The following ASAP3 variants were observed in gnomAD, a reference collection of about 807,000 sequenced individuals.
ASAP3 encodes arf-GAP with SH3 domain, ANK repeat and PH domain-containing protein 3.
A neutral mutation model predicts 118.2 loss-of-function variants in ASAP3; 85 were observed. The observed-to-expected ratio is 0.72, with a 90% CI of 0.60 to 0.86. The LOEUF (loss-of-function observed/expected upper bound fraction) is 0.86, where lower values mean the gene tolerates loss of function less well. ASAP3 is among the 40% of genes least tolerant of loss of function. The pLI, the probability that ASAP3 is intolerant of heterozygous loss-of-function variation, is 0.00. For synonymous variants in ASAP3, 432 were observed against 477.4 expected, an observed-to-expected ratio of 0.90 and a Z score of 1.24; for missense variants, 1,026 against 1,175.0, an observed-to-expected ratio of 0.87 and a Z score of 1.85.
intron 10 of ASAP3, among the ~76,000 whole-genome samples, chr1:23,439,606 T>C (rs1308052224): frequency 2.0e-5 from 3 of 152,152 alleles, no homozygotes; most frequent in Non-Finnish European, 2.9e-5. Context: ...AACAAATAAA[T>C]TGTGGTTCAA....
intron 1 of ASAP3, among the ~76,000 whole-genome samples, chr1:23,483,582 T>G (rs189413158): frequency 3.5e-4 from 53 of 150,770 alleles, no homozygotes; most frequent in Non-Finnish European, 6.2e-4. Context: ...GGAGGGGGCC[T>G]CTCTGCAGCC....
Position 23,439,213 on chromosome 1 carries a change from T to A in ASAP3, c.962A>T (p.Gln321Leu). Residue 321 changes from glutamine (Q) to leucine (L), a missense_variant, in exon 11 of 25, where the codon CAG becomes CTG. By Grantham distance (113) the Gln-to-Leu change is moderately radical. Coordinates refer to ENST00000336689, the MANE Select transcript of ASAP3 (RefSeq NM_017707.4). ...KKSDGIRRVWQKRKCGVKYGC... is the reference protein window; with the variant it reads ...KKSDGIRRVWLKRKCGVKYGC... ...ATACTTGACTCCACACTTCCTTTTC[T>A]GCCAGACTCTTCGAATTCTAAAGCC... 1.9e-6 allele frequency: 3 copies of A among 1,614,100 alleles called. No homozygotes were observed. Among genetic ancestry groups the A allele is most frequent in the Non-Finnish European group, 2.5e-6 (3 of 1,180,002 alleles).
chr1:23,444,910 TC>T (rs1192321189), intron 5 of ASAP3, among the ~76,000 whole-genome samples: 1 of 149,022 alleles, frequency 6.7e-6, no homozygotes, highest in Non-Finnish European at 1.5e-5. Flanking sequence ...GCCAGTAGCA[TC>T]CCCCCAGCTG....
At chr1:23,473,787 G>A (rs1231475777) in intron 1 of ASAP3, among the ~76,000 whole-genome samples, 1 of 151,958 alleles carries the variant, frequency 6.6e-6, no homozygotes, top group Non-Finnish European at 1.5e-5. Flanking sequence ...CCTGTGCAGA[G>A]GCTGTTGGTA....
In ASAP3 at chr1:23,441,121, G is replaced by A. The variant is rs758967937; in HGVS notation, c.925C>T (p.Leu309=). ...KQFGTEKVGF[L]YKKSDGIRRV... is the part of the protein sequence containing the mutation. ...ACTTACCCGTCACTTTTCTTGTATA[G>A]AAAGCCCACTTTCTCCGTCCCAAAC... Residue 309 remains leucine, a synonymous_variant, in exon 10 of 25, where the codon CTA becomes TTA. Coordinates refer to ENST00000336689, the MANE Select transcript of ASAP3 (RefSeq NM_017707.4). 1 of 1,614,146 alleles carries A rather than the reference G, an allele frequency of 6.2e-7. No homozygotes were observed. Among genetic ancestry groups the A allele is most frequent in the Non-Finnish European group, 8.5e-7 (1 of 1,180,020 alleles).
At position 23,434,381 on chromosome 1, in the gene ASAP3, A is replaced by T. The variant is rs1201764983; in HGVS notation, c.1836-12T>A. The T allele has an allele frequency of 1.2e-6, 2 of 1,613,614 alleles. No individual in the cohort carries two copies. The highest frequency in any genetic ancestry group is 2.2e-5 in the South Asian group (2 of 91,060). ...CATCCAGGTGACCACTGGGGAGAGG[A>T]GGGTTCAGGGAGAAAGGAAGGGGAA... On this transcript the variant is annotated splice_polypyrimidine_tract_variant and intron_variant, in intron 18 of 24. Coordinates refer to ENST00000336689, the MANE Select transcript of ASAP3 (RefSeq NM_017707.4).
At chr1:23,477,703 GTTCT>G (rs1417025169) in intron 1 of ASAP3, among the ~76,000 whole-genome samples, 1 of 152,116 alleles carries the variant, frequency 6.6e-6, no homozygotes, top group Non-Finnish European at 1.5e-5. Flanking sequence ...TGACTTATTT[GTTCT>G]TTCTGTTTGT....
intron 17 of ASAP3, among the ~76,000 whole-genome samples, chr1:23,434,830 G>A (rs1640579637): frequency 6.6e-6 from 1 of 152,008 alleles, no homozygotes; most frequent in African/African-American, 2.4e-5. Context: ...TTCCTCCTCT[G>A]CCCCCAACAA....
At position 23,433,118 on chromosome 1, in the gene ASAP3, G is replaced by A. The variant is rs200686258; in HGVS notation, c.2282C>T (p.Ser761Phe). ...TGCACACCCTTGGACCAAAGTCCGA[G>A]AAGAGTTTTTGACTGGCAAGGGCGG... ...CPPPLPVKNS[S>F]RTLVQGCARH... The change falls in exon 22 of 25, where the codon TCT becomes TTT. Residue 761 changes from serine (S) to phenylalanine (F), a missense_variant. Physicochemically the swap from Ser to Phe is radical, Grantham distance 155. Coordinates refer to ENST00000336689, the MANE Select transcript of ASAP3 (RefSeq NM_017707.4). 7.4e-5 allele frequency: 119 copies of A among 1,614,018 alleles called. 2 individuals carry two copies. In the South Asian group the frequency reaches 7.5e-4, roughly 10 times the overall value.
chr1:23,436,570 C>G lies in ASAP3; in HGVS notation c.1561G>C (p.Glu521Gln). 1 of 1,614,246 alleles carries G rather than the reference C, an allele frequency of 6.2e-7. No individual in the cohort carries two copies. The highest frequency in any genetic ancestry group is 1.7e-5 in the Admixed American group (1 of 60,032). Residue 521 changes from glutamate to glutamine, a missense_variant, in exon 16 of 25, where the codon GAG becomes CAG. By Grantham distance (29) the Glu-to-Gln change is conservative. Coordinates refer to ENST00000336689, the MANE Select transcript of ASAP3 (RefSeq NM_017707.4). The surrounding 1 kb of genome is among the most constrained non-coding windows in gnomAD (Gnocchi z 4.2). ...TGAGAATCCCCTTACATGTCACTCT[C>G]AGCTGAGGGTTTAGGGCCGCCGTGT... ...PSHGGPKPSA[E>Q]SDMGTRRDYI...
At position 23,435,915 on chromosome 1, in the gene ASAP3, G is replaced by A. The variant is rs769741844; in HGVS notation, c.1685C>T (p.Ser562Leu). The A allele has an allele frequency of 1.1e-5, 17 of 1,614,148 alleles. No individual in the cohort carries two copies. The highest frequency in any genetic ancestry group is 1.6e-4 in the Middle Eastern group (1 of 6,084). ...CCCATTGGCAAAGGCCTCCAGTACC[G>A]ACAGGAGGTCCCTGTTGCAAATGGC... ...WTAICNRDLLSVLEAFANGQD... is the reference protein window; with the variant it reads ...WTAICNRDLLLVLEAFANGQD... Residue 562 changes from serine (S) to leucine (L), a missense_variant, in exon 17 of 25, where the codon TCG becomes TTG. Ser to Leu is a moderately radical substitution (Grantham distance 145). Transcript: ENST00000336689.
chr1:23,451,658 C>T (rs905447526), intron 4 of ASAP3, 130 bp from the exon 5 acceptor site: 4 of 981,192 alleles, frequency 4.1e-6, no homozygotes, highest in Non-Finnish European at 6.3e-6. Flanking sequence ...CTCTAACCAG[C>T]CCCTGCCCCC....
rs1640761478 is a variant in ASAP3 at position 23,438,728 on chromosome 1, A to G, written c.1102+19T>C. ...CCCTGAGCAGCTGTGGGTGGGGGAGAGGCACAGGGACCACTCACGGGTCAC... is the reference window on the plus strand; with the variant it reads ...CCCTGAGCAGCTGTGGGTGGGGGAGGGGCACAGGGACCACTCACGGGTCAC... On this transcript the variant is annotated intron_variant, in intron 12 of 24. Transcript: ENST00000336689. The surrounding 1 kb of genome is among the most constrained non-coding windows in gnomAD (Gnocchi z 4.9). The G allele has an allele frequency of 1.2e-6, 2 of 1,611,518 alleles. No individual in the cohort carries two copies. Among genetic ancestry groups the G allele is most frequent in the Admixed American group, 1.7e-5 (1 of 59,990 alleles).
chr1:23,454,890 AG>A (rs1166516311), intron 3 of ASAP3, among the ~76,000 whole-genome samples: 1 of 152,226 alleles, frequency 6.6e-6, no homozygotes, highest in Non-Finnish European at 1.5e-5. Flanking sequence ...GACTTGACCT[AG>A]TAAGCAGCAG....
Position 23,441,379 on chromosome 1 carries a change from G to T in ASAP3, c.834+8C>A. The T allele has an allele frequency of 1.2e-6, 2 of 1,613,850 alleles. No individual in the cohort carries two copies. Among genetic ancestry groups the T allele is most frequent in the Non-Finnish European group, 1.7e-6 (2 of 1,179,922 alleles). ...GGGCATTCCTTTTGGGATAGTTCAG[G>T]GGCTGACCTCTCTGCTCTCAAGCTG... On this transcript the variant is annotated splice_region_variant and intron_variant, in intron 9 of 24. Coordinates refer to ENST00000336689, the MANE Select transcript of ASAP3 (RefSeq NM_017707.4).
intron 4 of ASAP3, among the ~76,000 whole-genome samples, chr1:23,451,768 T>C (rs888085457): frequency 1.8e-4 from 28 of 152,140 alleles, no homozygotes; most frequent in African/African-American, 3.9e-4. Context: ...TCCCCAGAGA[T>C]GCCAAGAATC....
chr1:23,479,624 G>C (rs986071648), intron 1 of ASAP3, among the ~76,000 whole-genome samples: 1 of 152,016 alleles, frequency 6.6e-6, no homozygotes, highest in Non-Finnish European at 1.5e-5. Context: ...TCTAAAACAA[G>C]ATTCAAAAAA....
rs1252602653 is a variant in ASAP3, at chr1:23,435,966, G to A, written c.1634C>T (p.Thr545Ile). 1.9e-6 allele frequency: 3 copies of A among 1,614,144 alleles called. No homozygotes were observed. The highest frequency in any genetic ancestry group is 2.2e-5 in the East Asian group (1 of 44,904). The change falls in exon 17 of 25, where the codon ACA (threonine) becomes ATA (isoleucine). Residue 545 changes from threonine (T) to isoleucine (I), a missense_variant. Thr to Ile is a moderately conservative substitution (Grantham distance 89). Coordinates refer to ENST00000336689, the MANE Select transcript of ASAP3 (RefSeq NM_017707.4). The stretch of plus-strand genomic sequence containing the variant: ...TGTCCAGAGTCGCTGAGGCTCAGGT[G>A]TGCACCGGCGTGCAAACCTATGCTC... ...YVEHRFARRC[T>I]PEPQRLWTAI... is the part of the protein sequence containing the mutation.
At chr1:23,439,893 C>A (rs2148614609) in intron 10 of ASAP3, among the ~76,000 whole-genome samples, 1 of 152,224 alleles carries the variant, frequency 6.6e-6, no homozygotes, top group South Asian at 2.1e-4. Flanking sequence ...CGGCTCATTG[C>A]AATCCCTGCC....
Sources: allele counts gnomAD v4.1 joint callset (sites outside exome capture counted in the v4.1 genomes callset), GRCh38; gene constraint gnomAD v4.1.1; non-coding constraint Gnocchi (gnomAD v3.1); transcripts MANE v1.5; gene names NCBI Gene and HGNC (gene_info 2026-07-23, HGNC 2026-07-21).